The following SIRPB1 variants were observed in gnomAD, a reference collection of about 807,000 sequenced individuals.
SIRPB1 encodes signal regulatory protein beta 1, also known as signal-regulatory protein beta-1.
In SIRPB1, 28 loss-of-function variants were observed where a neutral mutation model predicts 34.1. The observed-to-expected ratio is 0.82, with a 90% CI of 0.61 to 1.12. SIRPB1 has a LOEUF of 1.12. SIRPB1 is among the 50% of genes most tolerant of loss of function. SIRPB1 has a pLI of 0.00. For synonymous variants in SIRPB1, 211 were observed against 203.8 expected (o/e 1.04, Z -0.30); for missense variants, 499 against 507.0 (o/e 0.98, Z 0.15).
At chr20:1,566,502 T>C (rs2091137978) in intron 4 of SIRPB1, among the ~76,000 whole-genome samples, 1 of 152,132 alleles carries the variant, frequency 6.6e-6, no homozygotes, top group Non-Finnish European at 1.5e-5. Flanking sequence ...AGGGAAAAGG[T>C]GGAGAGAGTG....
chr20:1,578,295 T>C (rs374697802), intron 2 of SIRPB1, 43 bp downstream of exon 2: 7 of 1,543,510 alleles, frequency 4.5e-6, no homozygotes, highest in African/African-American at 4.1e-5. Context: ...TATTGAGTTA[T>C]TGTCACACAC....
Position 1,601,761 on chromosome 20 carries a change from T to C in SIRPB1, c.76+18108A>G, listed in dbSNP as rs2122271020. ...GCTTCAGATAGATGGTGCAGATTCA[T>C]CTCTTCCGGCTCCTCCTTGAGAAGT... is the stretch of plus-strand genomic sequence containing the variant. On this transcript the variant is annotated intron_variant, in intron 1 of 5. Coordinates refer to ENST00000381605, the MANE Select transcript of SIRPB1 (RefSeq NM_006065.5). Among the ~76,000 whole-genome samples, 2 of 48,666 alleles carry C rather than the reference T, an allele frequency of 4.1e-5. 1 individual carries two copies. Among genetic ancestry groups the C allele is most frequent in the Non-Finnish European group, 7.9e-5 (2 of 25,430 alleles). The allele number at this position is 48,666 out of a possible 152,430, so 31.9% of individuals were successfully genotyped here.
rs1646909927 is a variant in SIRPB1 at position 1,591,972 on chromosome 20, A to T, written c.77-13278T>A. The T allele has an allele frequency of 4.1e-5, 2 of 48,942 alleles. 1 individual carries two copies. The highest frequency in any genetic ancestry group is 7.9e-5 in the Non-Finnish European group (2 of 25,356). The allele number at this position is 48,942 out of a possible 1,614,324, so 3.0% of individuals were successfully genotyped here. A position where few individuals can be genotyped will look rare whatever the true frequency, so the allele number is the denominator to read the frequency against. The stretch of plus-strand genomic sequence containing the variant: ...CTGTTCTCATGATAGTGAGTGAGTT[A>T]TCAAGATCTGATGGTTTAAAAGCGT... On this transcript the variant is annotated intron_variant, in intron 1 of 5. Coordinates refer to ENST00000381605, the MANE Select transcript of SIRPB1 (RefSeq NM_006065.5).
intron 4 of SIRPB1, among the ~76,000 whole-genome samples, chr20:1,568,887 T>C (rs962879616): frequency 1.3e-5 from 2 of 149,416 alleles, no homozygotes; most frequent in African/African-American, 2.5e-5. Flanking sequence ...CAAAAACCCA[T>C]TGAAACAAAG....
At chr20:1,617,539 T>C (rs1283400369) in intron 1 of SIRPB1, among the ~76,000 whole-genome samples, 2 of 151,982 alleles carry the variant, frequency 1.3e-5, no homozygotes, top group Non-Finnish European at 2.9e-5. Context: ...AGGCAGGGGG[T>C]GCATTTGGAG....
At chr20:1,571,632 C>A in intron 3 of SIRPB1, 88 bp downstream of exon 3, 1 of 1,586,660 alleles carries the variant, frequency 6.3e-7, no homozygotes, top group Non-Finnish European at 8.6e-7. Flanking sequence ...GAATTAGATT[C>A]CAGGCCTTTC....
At chr20:1,572,282 G>C (rs1169083918) in intron 2 of SIRPB1, among the ~76,000 whole-genome samples, 1 of 152,142 alleles carries the variant, frequency 6.6e-6, no homozygotes, top group Non-Finnish European at 1.5e-5. Flanking sequence ...TGAGTTCAAA[G>C]TCCTCTCCAC....
intron 1 of SIRPB1, among the ~76,000 whole-genome samples, chr20:1,615,518 G>A (rs2091616955): frequency 6.6e-6 from 1 of 152,180 alleles, no homozygotes; most frequent in Admixed American, 6.5e-5. Flanking sequence ...AGGTAGAGCT[G>A]CACACCTTTC....
rs1396499941 is a variant in SIRPB1 at position 1,594,600 on chromosome 20, A to G, written c.77-15906T>C. ...CACATGAGGAACTGGGAGCCCATGG[A>G]TGCCTCTCCAGAAGACTAAAGATTA... is the stretch of plus-strand genomic sequence containing the variant. On this transcript the variant is annotated intron_variant, in intron 1 of 5. Transcript: ENST00000381605. Among the ~76,000 whole-genome samples, 9 of 48,286 alleles carry G rather than the reference A, an allele frequency of 1.9e-4. 4 individuals carry two copies. The highest frequency in any genetic ancestry group is 2.8e-4 in the Non-Finnish European group (7 of 25,238). The allele number at this position is 48,286 out of a possible 152,430, so 31.7% of individuals were successfully genotyped here.
At chr20:1,567,273 G>A (rs566690767) in intron 4 of SIRPB1, among the ~76,000 whole-genome samples, 8 of 152,002 alleles carry the variant, frequency 5.3e-5, no homozygotes, top group Non-Finnish European at 8.8e-5. Flanking sequence ...CTTCTAAGGG[G>A]CAGCCCACAT....
intron 1 of SIRPB1, among the ~76,000 whole-genome samples, chr20:1,618,195 A>G (rs1036331660): frequency 1.3e-5 from 2 of 152,250 alleles, no homozygotes; most frequent in African/African-American, 4.8e-5. Flanking sequence ...CAACACATTA[A>G]TAACAAATTT....
intron 1 of SIRPB1, among the ~76,000 whole-genome samples, chr20:1,614,340 A>G (rs1037570903): frequency 5.9e-5 from 9 of 152,328 alleles, no homozygotes; most frequent in Admixed American, 1.3e-4. Flanking sequence ...ACATGTTTTA[A>G]AAATCATGCT....
chr20:1,589,710 C>T (rs2091436503), intron 1 of SIRPB1, among the ~76,000 whole-genome samples: 1 of 48,418 alleles, frequency 2.1e-5, no homozygotes, highest in African/African-American at 1.4e-4. Flanking sequence ...GAATGAATCC[C>T]TACTACATGG....
intron 1 of SIRPB1, among the ~76,000 whole-genome samples, chr20:1,616,546 A>G (rs903028934): frequency 2.0e-5 from 3 of 152,226 alleles, no homozygotes; most frequent in African/African-American, 7.2e-5. Context: ...CTCACATGAC[A>G]CACAAAAATC....
In SIRPB1 at chr20:1,610,957, G is replaced by C. The variant is rs1568704867; in HGVS notation, c.76+8912C>G. 2.8e-5 allele frequency among the ~76,000 whole-genome samples: 2 copies of C among 72,716 alleles called. 1 individual carries two copies. Among genetic ancestry groups the C allele is most frequent in the Non-Finnish European group, 5.2e-5 (2 of 38,644 alleles). The allele number at this position is 72,716 out of a possible 152,430, so 47.7% of individuals were successfully genotyped here. ...CTGGCACACAGTGGGGTCTCAGTGAGTGCCTGCTGCATAAAGAAGAGACTT... is the reference window on the plus strand; with the variant it reads ...CTGGCACACAGTGGGGTCTCAGTGACTGCCTGCTGCATAAAGAAGAGACTT... On this transcript the variant is annotated intron_variant, in intron 1 of 5. Transcript: ENST00000381605.
rs1183413232 is a variant in SIRPB1 at position 1,571,092 on chromosome 20, T to C, written c.797A>G (p.Asn266Ser). The change falls in exon 4 of 6, where the codon AAC becomes AGC. Residue 266 changes from asparagine to serine, a missense_variant. Asn to Ser is a conservative substitution (Grantham distance 46). Coordinates refer to ENST00000381605, the MANE Select transcript of SIRPB1 (RefSeq NM_006065.5). ...EVTQQPMRAE[N>S]QANVTCQVSN... ...CACCTGGCAGGTGACGTTTGCCTGG[T>C]TCTCTGCCCTCATGGGCTGTTGAGT... The C allele has an allele frequency of 5.6e-6, 9 of 1,613,960 alleles. No homozygotes were observed. In the South Asian group the frequency reaches 9.9e-5, roughly 18 times the overall value.
At position 1,619,881 on chromosome 20, in the gene SIRPB1, C is replaced by G. The variant is rs753864698; in HGVS notation, c.64G>C (p.Gly22Arg). The change falls in exon 1 of 6, where the codon GGG becomes CGG. Residue 22 changes from glycine to arginine, a missense_variant. Physicochemically the swap from Gly to Arg is moderately radical, Grantham distance 125. Coordinates refer to ENST00000381605, the MANE Select transcript of SIRPB1 (RefSeq NM_006065.5). ...AGGCAGTGCTCACCTGTGAGTCTCC[C>G]CAGCAGTAGCGTCATCAGCAGGAAA... is the stretch of plus-strand genomic sequence containing the variant. ...SPFLLMTLLL[G>R]RLTGVAGEDE... is the part of the protein sequence containing the mutation. The G allele has an allele frequency of 1.1e-5, 18 of 1,613,388 alleles. No homozygotes were observed. The highest frequency in any genetic ancestry group is 5.0e-5 in the Admixed American group (3 of 59,940).
chr20:1,569,893 TA>T (rs1164252619), intron 4 of SIRPB1, among the ~76,000 whole-genome samples: 1 of 152,118 alleles, frequency 6.6e-6, no homozygotes, highest in East Asian at 1.9e-4. Flanking sequence ...CTCCTGGTAT[TA>T]AAAGAGAGGG....
intron 2 of SIRPB1, among the ~76,000 whole-genome samples, chr20:1,577,820 C>A (rs1348268779): frequency 6.8e-6 from 1 of 146,786 alleles, no homozygotes; most frequent in Non-Finnish European, 1.5e-5. Flanking sequence ...GGACGGATTT[C>A]TCCTCATTAG....
Sources: gnomAD v4.1 joint callset for allele counts (sites outside exome capture counted in the v4.1 genomes callset) on GRCh38, gnomAD v4.1.1 for gene constraint, MANE v1.5 for transcripts, NCBI Gene and HGNC (gene_info 2026-07-23, HGNC 2026-07-21) for gene names.